The following NUP43 variants were observed in gnomAD, a reference collection of about 807,000 sequenced individuals.
The protein encoded by NUP43 is nucleoporin 43.
Under a neutral mutation model 47.3 loss-of-function variants are expected in NUP43, and 32 were observed. The observed-to-expected ratio is 0.68, with a 90% CI of 0.51 to 0.91. The LOEUF is 0.91. Among genes scored for constraint, NUP43 ranks in the 40% least tolerant of loss-of-function variants. The pLI, the probability that NUP43 is intolerant of heterozygous loss-of-function variation, is 0.00. For synonymous variants in NUP43, 147 were observed against 158.4 expected (o/e 0.93, Z 0.54); for missense variants, 444 against 453.9 (o/e 0.98, Z 0.20).
chr6:149,746,671 C>G (rs1490884485), upstream of NUP43: 2 of 1,550,536 alleles, frequency 1.3e-6, no homozygotes, highest in Non-Finnish European at 1.7e-6. Context: ...ACTGAGAGGC[C>G]CACCCATCTC....
At position 149,736,465 on chromosome 6, in the gene NUP43, A is replaced by G; in HGVS notation, c.790+6T>C. 1.3e-6 allele frequency: 2 copies of G among 1,572,498 alleles called. No individual in the cohort carries two copies. Among genetic ancestry groups the G allele is most frequent in the Non-Finnish European group, 1.7e-6 (2 of 1,147,942 alleles). On this transcript the variant is annotated splice_donor_region_variant and intron_variant, in intron 6 of 7. Transcript: ENST00000340413. ...TATAAACTTTCTGTATCTTCACAAT[A>G]CTTACTTTCAGCTTCATGAGCCTTC...
chr6:149,742,996 C>CA (rs1785745515), intron 3 of NUP43, among the ~76,000 whole-genome samples: 2 of 151,832 alleles, frequency 1.3e-5, no homozygotes, highest in African/African-American at 4.8e-5. Flanking sequence ...GCCAATATGG[C>CA]AAAATCCCGT....
At chr6:149,737,895 T>A (rs561700170) in intron 5 of NUP43, among the ~76,000 whole-genome samples, 18 of 152,280 alleles carry the variant, frequency 1.2e-4, no homozygotes, top group Admixed American at 6.5e-4. Context: ...TTCACTGTGT[T>A]GGCCAGGCTG....
rs1293750954 is a variant in NUP43 at position 149,746,422 on chromosome 6, CTT to C, written c.72_73del (p.Ser25PhefsTer15). 1.2e-6 allele frequency: 2 copies of C among 1,614,104 alleles called. No homozygotes were observed. Among genetic ancestry groups the C allele is most frequent in the African/African-American group, 2.7e-5 (2 of 74,930 alleles). On this transcript the variant is annotated frameshift_variant, in exon 1 of 8. Coordinates refer to ENST00000340413, the MANE Select transcript of NUP43 (RefSeq NM_198887.3). LOFTEE classifies it high-confidence loss of function. ...AGCGAACGTCTCCGCGGTCTGTAAA[CTT>C]CCCGGAGGCAGCGGTCGCCAGCGGG...
chr6:149,737,012 C>A (rs1785401596), intron 5 of NUP43, among the ~76,000 whole-genome samples: 1 of 151,918 alleles, frequency 6.6e-6, no homozygotes, highest in Non-Finnish European at 1.5e-5. Flanking sequence ...TTTAAGAGAC[C>A]AGGCTCAGTG....
At position 149,726,880 on chromosome 6, in the gene NUP43, G is replaced by A. The variant is rs1035863422; in HGVS notation, c.*89C>T. 5.2e-6 allele frequency: 5 copies of A among 959,570 alleles called. No individual in the cohort carries two copies. The highest frequency in any genetic ancestry group is 1.6e-5 in the African/African-American group (1 of 60,630). The allele number at this position is 959,570 out of a possible 1,614,324, so 59.4% of individuals were successfully genotyped here. ...TACTGATGTTTCCCCTGCAAATCTC[G>A]TATTTTCTGATACTAAAATTTTGCA... On this transcript the variant is annotated 3_prime_UTR_variant, in exon 8 of 8. Coordinates refer to ENST00000340413, the MANE Select transcript of NUP43 (RefSeq NM_198887.3).
chr6:149,734,114 G>A lies in NUP43; in HGVS notation c.790+2357C>T, dbSNP rs532189719. ...GCTGGGATTACAAGCATAAGCCACC[G>A]CCCCCGGCCATCATTTCCTCAAAAT... is the stretch of plus-strand genomic sequence containing the variant. On this transcript the variant is annotated intron_variant, in intron 6 of 7. Transcript: ENST00000340413. 3.3e-5 allele frequency among the ~76,000 whole-genome samples: 5 copies of A among 152,006 alleles called. No homozygotes were observed. The East Asian group carries it at 7.7e-4, about 24-fold the overall frequency.
intron 7 of NUP43, chr6:149,728,577 A>T: frequency 3.5e-6 from 1 of 287,012 alleles, no homozygotes; most frequent in Non-Finnish European, 5.2e-6. Context: ...AGATTAACAC[A>T]TTATTCAAGC....
chr6:149,733,064 G>A (rs939751134), intron 6 of NUP43, among the ~76,000 whole-genome samples: 1 of 151,812 alleles, frequency 6.6e-6, no homozygotes, highest in African/African-American at 2.4e-5. Flanking sequence ...TGTCTTTTAC[G>A]GAAAAGTTTT....
At chr6:149,738,588 A>C in intron 5 of NUP43, 55 bp downstream of exon 5, 1 of 1,322,084 alleles carries the variant, frequency 7.6e-7, no homozygotes, top group Non-Finnish European at 1.0e-6. Flanking sequence ...AGCTATAAAC[A>C]ACCTAACACA....
At chr6:149,727,774 A>T in intron 7 of NUP43, 6 of 983,992 alleles carry the variant, frequency 6.1e-6, no homozygotes, top group Non-Finnish European at 7.2e-6. Flanking sequence ...CTAGATTATA[A>T]GGTTTTATCT....
At chr6:149,744,821 A>C (rs574648905) in intron 2 of NUP43, among the ~76,000 whole-genome samples, 1 of 151,788 alleles carries the variant, frequency 6.6e-6, no homozygotes, top group African/African-American at 2.4e-5. Flanking sequence ...GGGTGACAGT[A>C]TAAGACTTCG....
chr6:149,738,384 T>C (rs1315837647), intron 5 of NUP43, among the ~76,000 whole-genome samples: 6 of 152,174 alleles, frequency 3.9e-5, no homozygotes, highest in Non-Finnish European at 7.4e-5. Context: ...AAACAATCAT[T>C]GAAAGAGCAG....
At chr6:149,734,519 C>T (rs572587692) in intron 6 of NUP43, among the ~76,000 whole-genome samples, 3 of 151,660 alleles carry the variant, frequency 2.0e-5, no homozygotes, top group South Asian at 4.2e-4. Context: ...TATATAGGGC[C>T]GGGCGCAGTG....
intron 7 of NUP43, chr6:149,727,859 AACTT>A: frequency 1.0e-6 from 1 of 985,370 alleles, no homozygotes; most frequent in Non-Finnish European, 1.2e-6. Flanking sequence ...CATTATTCGC[AACTT>A]ACTTTCCTCT....
chr6:149,736,154 G>C (rs1431038489), intron 6 of NUP43, among the ~76,000 whole-genome samples: 1 of 150,962 alleles, frequency 6.6e-6, no homozygotes, highest in African/African-American at 2.4e-5. Context: ...GTGCATGCCT[G>C]TAATCCCAGC....
chr6:149,745,739 G>C (rs1730770950), intron 2 of NUP43, among the ~76,000 whole-genome samples: 1 of 152,162 alleles, frequency 6.6e-6, no homozygotes, highest in Non-Finnish European at 1.5e-5. Flanking sequence ...TAATAAAAAA[G>C]TATGATTAAA....
chr6:149,746,558 C>A (rs1253106731), upstream of NUP43: 24 of 1,613,368 alleles, frequency 1.5e-5, no homozygotes, highest in Non-Finnish European at 1.9e-5. Flanking sequence ...TCAGCACCGC[C>A]TCTTCCCGCG....
At chr6:149,742,938 G>A (rs913885217) in intron 3 of NUP43, among the ~76,000 whole-genome samples, 1 of 152,148 alleles carries the variant, frequency 6.6e-6, no homozygotes, top group Non-Finnish European at 1.5e-5. Context: ...CACTTTGGGA[G>A]GCCAAGGCAG....
Sources: allele counts gnomAD v4.1 joint callset (sites outside exome capture counted in the v4.1 genomes callset), GRCh38; gene constraint gnomAD v4.1.1; transcripts MANE v1.5; gene names NCBI Gene and HGNC (gene_info 2026-07-23, HGNC 2026-07-21).